The following DMD variants were observed in gnomAD, a reference collection of about 807,000 sequenced individuals.
DMD encodes the protein dystrophin.
In DMD, 63 loss-of-function variants were observed where a neutral mutation model predicts 330.1. That is an observed-to-expected ratio of 0.19 (90% CI 0.16 to 0.24). DMD has a LOEUF of 0.24. Ranked by LOEUF, DMD falls within the 10% of genes least tolerant of loss-of-function variation. DMD has a pLI of 1.00. For synonymous variants in DMD, 1,223 were observed against 959.8 expected, an observed-to-expected ratio of 1.27 and a Z score of -5.07; for missense variants, 3,344 against 2,684.1, an observed-to-expected ratio of 1.25 and a Z score of -5.43.
Position 33,039,265 on chromosome X carries a change from C to T in DMD, c.32-19065G>A, listed in dbSNP as rs780055300. Among the ~76,000 whole-genome samples, 3 of 111,192 alleles carry T rather than the reference C, an allele frequency of 2.7e-5. No homozygotes were observed. The South Asian group carries it at 1.1e-3, about 42-fold the overall frequency. On this transcript the variant is annotated intron_variant, in intron 1 of 78. Coordinates refer to ENST00000357033, the MANE Select transcript of DMD (RefSeq NM_004006.3). ...TCAACTTCAAAAGTAGAAGTCAGTT[C>T]GAACTCCCTGGTGACTGCACTTGAG...
intron 59 of DMD, among the ~76,000 whole-genome samples, chrX:31,465,072 C>T (rs989797925): frequency 1.8e-5 from 2 of 111,865 alleles, no homozygotes; most frequent in African/African-American, 6.5e-5. Context: ...CATTGCTGTC[C>T]TAAGTAATTT....
chrX:33,150,649 T>C (rs2048244749), intron 1 of DMD, among the ~76,000 whole-genome samples: 1 of 108,518 alleles, frequency 9.2e-6, no homozygotes, highest in South Asian at 4.1e-4. Flanking sequence ...TGAGAGCCTT[T>C]TTTCCACTCA....
chrX:32,701,681 G>C (rs899393009), intron 7 of DMD, among the ~76,000 whole-genome samples: 1 of 111,041 alleles, frequency 9.0e-6, no homozygotes, highest in African/African-American at 3.3e-5. Context: ...CATGATGTGA[G>C]AAAACAAAAA....
chrX:32,041,815 A>C (rs986527911), intron 44 of DMD, among the ~76,000 whole-genome samples: 4 of 108,654 alleles, frequency 3.7e-5, no homozygotes, highest in Non-Finnish European at 5.7e-5. Flanking sequence ...TGAATTAGGC[A>C]TAATTAGATT....
At chrX:31,910,749 G>T (rs1468931348) in intron 47 of DMD, among the ~76,000 whole-genome samples, 1 of 111,498 alleles carries the variant, frequency 9.0e-6, no homozygotes, top group Non-Finnish European at 1.9e-5. Context: ...AAGGAAAAAA[G>T]GTAGACTTTC....
chrX:32,024,980 T>A (rs746139430), intron 44 of DMD, among the ~76,000 whole-genome samples: 5 of 111,701 alleles, frequency 4.5e-5, no homozygotes, highest in Admixed American at 3.8e-4. Context: ...CAACAGGGGA[T>A]CCCAATACTA....
intron 13 of DMD, among the ~76,000 whole-genome samples, chrX:32,579,611 G>T (rs2053437025): frequency 8.9e-6 from 1 of 112,717 alleles, no homozygotes; most frequent in Non-Finnish European, 1.9e-5. Context: ...TGTTTTAGCA[G>T]AAGTTTGACT....
At chrX:32,117,696 G>A (rs2096616985) in intron 44 of DMD, among the ~76,000 whole-genome samples, 2 of 112,053 alleles carry the variant, frequency 1.8e-5, no homozygotes, top group South Asian at 3.8e-4. Flanking sequence ...TAACCTTGTC[G>A]CAATTTGTAC....
chrX:31,550,206 A>G (rs1271288593), intron 55 of DMD, among the ~76,000 whole-genome samples: 3 of 111,577 alleles, frequency 2.7e-5, no homozygotes, highest in African/African-American at 9.8e-5. Context: ...GGAATCCACA[A>G]TGGAAATGTG....
intron 55 of DMD, among the ~76,000 whole-genome samples, chrX:31,519,502 A>G (rs1429013317): frequency 1.8e-5 from 2 of 112,059 alleles, no homozygotes; most frequent in Admixed American, 1.9e-4. Context: ...TGTAAATGCA[A>G]ACAACAACTT....
chrX:31,242,706 G>GTGTGTGTGTA (rs1361760742), intron 63 of DMD, among the ~76,000 whole-genome samples: 1 of 105,723 alleles, frequency 9.5e-6, no homozygotes, highest in Non-Finnish European at 1.9e-5. Context: ...AGATATGTGT[G>GTGTGTGTGTA]TGTGTGTGTG....
intron 2 of DMD, among the ~76,000 whole-genome samples, chrX:32,990,716 C>T (rs73621851): frequency 2.2e-3 from 244 of 111,306 alleles, no homozygotes; most frequent in African/African-American, 7.7e-3. Context: ...CTTACTACAC[C>T]CCTCTCACCT....
intron 37 of DMD, among the ~76,000 whole-genome samples, chrX:32,355,589 C>A (rs1028020132): frequency 9.0e-6 from 1 of 111,429 alleles, no homozygotes; most frequent in East Asian, 2.8e-4. Flanking sequence ...TACATGGTTA[C>A]CAAAGGGATT....
In DMD at chrX:31,567,393, A is replaced by T. The variant is rs60515311; in HGVS notation, c.8218-59940T>A. Among the ~76,000 whole-genome samples, 423 of 111,041 alleles carry T rather than the reference A, an allele frequency of 3.8e-3. 3 individuals are homozygous for T. The highest frequency in any genetic ancestry group is 0.013 in the African/African-American group (400 of 30,688). ...TATTAAGATGTGGAAGTTATCCTCT[A>T]TTCCCAGTTTTCTCATAGTTTTTAT... On this transcript the variant is annotated intron_variant, in intron 55 of 78. Transcript: ENST00000357033.
rs187713952 is a variant in DMD at position 32,930,460 on chromosome X, A to G, written c.94-80640T>C. Among the ~76,000 whole-genome samples the G allele has an allele frequency of 2.7e-5, 3 of 111,068 alleles. No homozygotes were observed. The East Asian group carries it at 8.5e-4, about 31-fold the overall frequency. ...ACTTCCACTAAGTATCTGGATTAAAAGAAGCTTTTGTTATTTATACAACTA... is the reference window on the plus strand; with the variant it reads ...ACTTCCACTAAGTATCTGGATTAAAGGAAGCTTTTGTTATTTATACAACTA... On this transcript the variant is annotated intron_variant, in intron 2 of 78. Transcript: ENST00000357033.
chrX:31,388,960 C>G (rs1474401138), intron 60 of DMD, among the ~76,000 whole-genome samples: 1 of 112,477 alleles, frequency 8.9e-6, no homozygotes, highest in Non-Finnish European at 1.9e-5. Flanking sequence ...AGCTGAATCT[C>G]AGCATCCTAT....
chrX:31,387,864 C>T (rs1182155893), intron 60 of DMD, among the ~76,000 whole-genome samples: 2 of 111,644 alleles, frequency 1.8e-5, no homozygotes, highest in Non-Finnish European at 1.9e-5. Context: ...CCCTGATCAC[C>T]TTATATAAAA....
intron 1 of DMD, among the ~76,000 whole-genome samples, chrX:33,121,550 T>C (rs1259207905): frequency 8.9e-6 from 1 of 111,962 alleles, no homozygotes; most frequent in African/African-American, 3.2e-5. Context: ...CTTTTTTAAT[T>C]TGCAGACTTT....
intron 41 of DMD, among the ~76,000 whole-genome samples, chrX:32,312,941 C>CAAAAAAAAAAAAAAAAAAA (rs1171543953): frequency 6.3e-4 from 12 of 19,199 alleles, no homozygotes; most frequent in Non-Finnish European, 1.1e-3. Context: ...AGCCTACGAA[C>CAAAAAAAAAAAAAAAAAAA]CAAAAAAAAA....
Sources: gnomAD v4.1 joint callset for allele counts (sites outside exome capture counted in the v4.1 genomes callset) on GRCh38, gnomAD v4.1.1 for gene constraint, MANE v1.5 for transcripts, NCBI Gene and HGNC (gene_info 2026-07-23, HGNC 2026-07-21) for gene names.